MRPS25: variants seen among roughly 807,000 people sequenced by gnomAD.
MRPS25 encodes small ribosomal subunit protein mS25.
MRPS25 carries 15 observed loss-of-function variants against 17.3 expected under a neutral mutation model. That is an observed-to-expected ratio of 0.87 (90% CI 0.58 to 1.34). MRPS25 has a LOEUF of 1.34. Among genes scored for constraint, MRPS25 ranks in the 40% most tolerant of loss-of-function variants. MRPS25 has a pLI of 0.00. For synonymous variants in MRPS25, 94 were observed against 83.3 expected, an observed-to-expected ratio of 1.13 and a Z score of -0.70; for missense variants, 225 against 218.6, an observed-to-expected ratio of 1.03 and a Z score of -0.19.
At position 15,051,938 on chromosome 3, in the gene MRPS25, GT is replaced by G; in HGVS notation, c.*502del. 3.0e-6 allele frequency: 3 copies of G among 985,888 alleles called. No individual in the cohort carries two copies. Among genetic ancestry groups the G allele is most frequent in the Non-Finnish European group, 3.6e-6 (3 of 830,300 alleles). 61.1% of individuals were successfully genotyped at this position (985,888 alleles called of 1,614,324 possible). On this transcript the variant is annotated 3_prime_UTR_variant, in exon 4 of 4. Transcript: ENST00000253686. ...TAAAAAAGTGAGCACTGCACGAAGG[GT>G]TGCCTTTGGATTTCTGAAAAATACC...
In MRPS25 at chr3:15,052,179, T is replaced by G. The variant is rs1042670027; in HGVS notation, c.*262A>C. The G allele has an allele frequency of 8.4e-7, 1 of 1,196,194 alleles. No homozygotes were observed. Among genetic ancestry groups the G allele is most frequent in the Admixed American group, 4.1e-5 (1 of 24,496 alleles). The allele number at this position is 1,196,194 out of a possible 1,614,324, so 74.1% of individuals were successfully genotyped here. On this transcript the variant is annotated 3_prime_UTR_variant, in exon 4 of 4. Coordinates refer to ENST00000253686, the MANE Select transcript of MRPS25 (RefSeq NM_022497.5). Reference sequence around the variant, plus strand: ...AGCCTTTCTGCTACACAGGCCTTCCTCTTCACTAGGACCAGATACACGCCA... The same window carrying G: ...AGCCTTTCTGCTACACAGGCCTTCCGCTTCACTAGGACCAGATACACGCCA...
chr3:15,063,436 C>T (rs1293319145), intron 1 of MRPS25, among the ~76,000 whole-genome samples: 2 of 152,144 alleles, frequency 1.3e-5, no homozygotes, highest in Non-Finnish European at 2.9e-5. Context: ...AGTGGGGCAG[C>T]TGAAGGGCTG....
chr3:15,061,852 T>C (rs1431271535), intron 1 of MRPS25, among the ~76,000 whole-genome samples: 1 of 143,856 alleles, frequency 7.0e-6, no homozygotes, highest in Non-Finnish European at 1.5e-5. Context: ...GTGAGGAGCA[T>C]CTCTGCCCAG....
chr3:15,064,602 G>A (rs183255523), intron 1 of MRPS25, among the ~76,000 whole-genome samples: 137 of 152,328 alleles, frequency 9.0e-4, no homozygotes, highest in African/African-American at 3.2e-3. Flanking sequence ...TCAGAAAAAA[G>A]AAAGCGCGAG....
chr3:15,064,991 C>A, intron 1 of MRPS25, 70 bp downstream of exon 1: 1 of 1,536,584 alleles, frequency 6.5e-7, no homozygotes, highest in Non-Finnish European at 8.7e-7. Context: ...CGACTCGGGA[C>A]CTCACGTTAC....
intron 2 of MRPS25, among the ~76,000 whole-genome samples, chr3:15,056,840 G>A (rs750172983): frequency 1.3e-5 from 2 of 152,240 alleles, no homozygotes; most frequent in Non-Finnish European, 2.9e-5. Context: ...ATATCAGCAT[G>A]AGCGAGGACG....
chr3:15,059,188 A>G (rs550819489), intron 2 of MRPS25, among the ~76,000 whole-genome samples, 181 bp downstream of exon 2: 2 of 152,046 alleles, frequency 1.3e-5, no homozygotes, highest in African/African-American at 4.8e-5. Context: ...CTGGAGAGGG[A>G]AAGAGTCCAG....
At chr3:15,056,814 G>A (rs529574413) in intron 2 of MRPS25, among the ~76,000 whole-genome samples, 1 of 152,334 alleles carries the variant, frequency 6.6e-6, no homozygotes, top group East Asian at 1.9e-4. Flanking sequence ...AGCAGCCCTG[G>A]GACATTAATA....
chr3:15,059,128 T>C (rs2042711571), intron 2 of MRPS25, among the ~76,000 whole-genome samples: 1 of 151,644 alleles, frequency 6.6e-6, no homozygotes, highest in African/African-American at 2.4e-5. Flanking sequence ...ACAAGGGACT[T>C]TGGAAAAATT....
At chr3:15,060,347 T>C (rs908641640) in intron 1 of MRPS25, among the ~76,000 whole-genome samples, 1 of 151,782 alleles carries the variant, frequency 6.6e-6, no homozygotes, top group Non-Finnish European at 1.5e-5. Context: ...ACCCTGTCTC[T>C]ATAAAAAAAT....
chr3:15,049,532 G>T lies in MRPS25; in HGVS notation c.*2909C>A. Reference sequence around the variant, plus strand: ...AAGGCAGCTCCTTGGTGTGGAGGTAGGGAAGCCACACACATGTTTCTGGAG... The same window carrying T: ...AAGGCAGCTCCTTGGTGTGGAGGTATGGAAGCCACACACATGTTTCTGGAG... On this transcript the variant is annotated 3_prime_UTR_variant, in exon 4 of 4. Coordinates refer to ENST00000253686, the MANE Select transcript of MRPS25 (RefSeq NM_022497.5). 3.5e-6 allele frequency: 1 copy of T among 286,712 alleles called. No individual in the cohort carries two copies. Among genetic ancestry groups the T allele is most frequent in the African/African-American group, 2.3e-5 (1 of 44,254 alleles). 17.8% of individuals were successfully genotyped at this position (286,712 alleles called of 1,614,324 possible). A position where few individuals can be genotyped will look rare whatever the true frequency, so the allele number is the denominator to read the frequency against.
intron 2 of MRPS25, among the ~76,000 whole-genome samples, chr3:15,054,273 T>C (rs1282189566): frequency 6.6e-6 from 1 of 152,190 alleles, no homozygotes; most frequent in Non-Finnish European, 1.5e-5. Flanking sequence ...AATAAACCCT[T>C]ATTTGTAAGG....
At chr3:15,063,891 T>C (rs1312088147) in intron 1 of MRPS25, among the ~76,000 whole-genome samples, 2 of 151,794 alleles carry the variant, frequency 1.3e-5, no homozygotes, top group Non-Finnish European at 2.9e-5. Flanking sequence ...TGCACAGTTG[T>C]GCAGTAGGTT....
intron 2 of MRPS25, among the ~76,000 whole-genome samples, chr3:15,055,866 C>T (rs2042664540): frequency 6.6e-6 from 1 of 150,580 alleles, no homozygotes. Flanking sequence ...GAAATGCACC[C>T]AGAACACATA....
Position 15,049,089 on chromosome 3 carries a change from ATATC to A in MRPS25, c.*3348_*3351del. ...GCATGTTCTTTTTAAACTGAATTTT[ATATC>A]TAATCAATGTCTTCAGTCTTGAAGA... On this transcript the variant is annotated 3_prime_UTR_variant, in exon 4 of 4. Coordinates refer to ENST00000253686, the MANE Select transcript of MRPS25 (RefSeq NM_022497.5). 6.6e-6 allele frequency: 1 copy of A among 152,600 alleles called. No homozygotes were observed. The highest frequency in any genetic ancestry group is 1.5e-5 in the Non-Finnish European group (1 of 68,028). 9.5% of individuals were successfully genotyped at this position (152,600 alleles called of 1,614,324 possible).
Position 15,065,289 on chromosome 3 carries a change from T to C in MRPS25, c.-95A>G. 3 of 1,430,888 alleles carry C rather than the reference T, an allele frequency of 2.1e-6. No individual in the cohort carries two copies. Among genetic ancestry groups the C allele is most frequent in the Non-Finnish European group, 2.7e-6 (3 of 1,091,106 alleles). The allele number at this position is 1,430,888 out of a possible 1,614,324, so 88.6% of individuals were successfully genotyped here. ...ACCCGCGCGGATCTCACGCGGCTTC[T>C]CCCCAGAGCCAGGTTCCACTTCCCG... is the stretch of plus-strand genomic sequence containing the variant. On this transcript the variant is annotated 5_prime_UTR_variant, in exon 1 of 4. Transcript: ENST00000253686.
chr3:15,051,636 G>GAGCTTGGTA lies in MRPS25; in HGVS notation c.*796_*804dup, dbSNP rs1440674980. On this transcript the variant is annotated 3_prime_UTR_variant, in exon 4 of 4. Coordinates refer to ENST00000253686, the MANE Select transcript of MRPS25 (RefSeq NM_022497.5). ...CAGTAATGCAGCACTCCCTCCTCCA[G>GAGCTTGGTA]AGCTTGGTAAGCAGGGCCTGAGGGA... 10 of 985,632 alleles carry GAGCTTGGTA rather than the reference G, an allele frequency of 1.0e-5. No individual in the cohort carries two copies. The East Asian group carries it at 1.0e-3, about 101-fold the overall frequency. 61.1% of individuals were successfully genotyped at this position (985,632 alleles called of 1,614,324 possible). A position where few individuals can be genotyped will look rare whatever the true frequency, so the allele number is the denominator to read the frequency against.
chr3:15,043,079 G>A (rs189683000), downstream of MRPS25: 6 of 1,426,028 alleles, frequency 4.2e-6, no homozygotes, highest in Admixed American at 9.1e-5. Flanking sequence ...AAAAGTAGTG[G>A]TATTTTGGTA....
downstream of MRPS25, chr3:15,044,684 C>T (rs1477981280): frequency 6.6e-6 from 1 of 152,210 alleles, no homozygotes; most frequent in African/African-American, 2.4e-5. Flanking sequence ...CTGGACACTC[C>T]CCTGACTCAC....
Sources: allele counts gnomAD v4.1 joint callset (sites outside exome capture counted in the v4.1 genomes callset), GRCh38; gene constraint gnomAD v4.1.1; transcripts MANE v1.5; gene names NCBI Gene and HGNC (gene_info 2026-07-23, HGNC 2026-07-21).